Variants in NAV2 observed in about 807,000 individuals in gnomAD.
NAV2 encodes helicase, APC down-regulated 1.
Under a neutral mutation model 223.2 loss-of-function variants are expected in NAV2, and 54 were observed. The observed-to-expected ratio is 0.24, with a 90% confidence interval of 0.19 to 0.30. NAV2 has a LOEUF of 0.30. Among genes scored for constraint, NAV2 ranks in the 10% least tolerant of loss-of-function variants. The probability of loss-of-function intolerance (pLI) is 1.00; values close to 1 mark genes in which losing one functional copy is unlikely to be tolerated. For missense variants in NAV2, 2,806 were observed against 3,147.5 expected (o/e 0.89, Z 2.60); for synonymous variants, 1,279 against 1,239.3 (o/e 1.03, Z -0.67).
chr11:20,099,212 T>A (rs538799308), intron 31 of NAV2, among the ~76,000 whole-genome samples: 12 of 151,944 alleles, frequency 7.9e-5, no homozygotes, highest in Non-Finnish European at 1.8e-4. Flanking sequence ...AGGAATGAGC[T>A]CCCCATGGGA....
rs148581917 is a variant in NAV2, at chr11:19,744,030, G to C, written c.267+30068G>C. On this transcript the variant is annotated intron_variant, in intron 1 of 37. Coordinates refer to ENST00000349880, the MANE Select transcript of NAV2 (RefSeq NM_145117.5). ...TGAGCACCTAATATGTGTTAGATAA[G>C]GTACAAGATGTTTTCACAGAGATTA... 3.9e-5 allele frequency among the ~76,000 whole-genome samples: 6 copies of C among 152,334 alleles called. No individual in the cohort carries two copies. The East Asian group carries it at 1.2e-3, about 29-fold the overall frequency.
At position 19,624,556 on chromosome 11, in the gene NAV2, G is replaced by T. The variant is rs1013400724; in HGVS notation, c.76-207928G>T. Among the ~76,000 whole-genome samples the T allele has an allele frequency of 4.6e-5, 7 of 152,356 alleles. No homozygotes were observed. In the East Asian group the frequency reaches 5.8e-4, roughly 13 times the overall value. On this transcript the variant is annotated intron_variant, in intron 1 of 37. Coordinates refer to the NAV2 transcript ENST00000360655. ...TGTGGGCATGGGACCCTCTGAGCCA[G>T]GAGTGGGATATAATCTCCTGGTGTG...
chr11:19,876,422 C>T (rs912493359), intron 4 of NAV2, among the ~76,000 whole-genome samples: 7 of 152,056 alleles, frequency 4.6e-5, no homozygotes, highest in African/African-American at 7.2e-5. Context: ...AACTGAGGCT[C>T]AGAGAGATTG....
intron 37 of NAV2, among the ~76,000 whole-genome samples, chr11:20,117,793 C>T (rs2439878): frequency 2.0e-5 from 3 of 151,966 alleles, no homozygotes; most frequent in African/African-American, 2.4e-5. Context: ...AATAAATAAG[C>T]TATGTATAGA....
intron 1 of NAV2, among the ~76,000 whole-genome samples, chr11:19,540,533 A>G (rs16936941): frequency 0.016 from 2,394 of 152,298 alleles, 63 homozygotes; most frequent in African/African-American, 0.055. Context: ...CACACCTGGT[A>G]AGTTGCAGAA....
At chr11:19,506,098 A>G (rs922239273) in intron 1 of NAV2, 1 of 152,246 alleles carries the variant, frequency 6.6e-6, no homozygotes, top group African/African-American at 2.4e-5. Flanking sequence ...GCTCCCTCTC[A>G]ACTCCTATTT....
At chr11:19,657,990 A>G (rs1323862089) in intron 1 of NAV2, among the ~76,000 whole-genome samples, 1 of 152,216 alleles carries the variant, frequency 6.6e-6, no homozygotes, top group East Asian at 1.9e-4. Context: ...TATTATTAAC[A>G]ATAAAAGCTA....
At chr11:19,521,880 TG>T (rs1458227963) in intron 1 of NAV2, among the ~76,000 whole-genome samples, 1 of 152,184 alleles carries the variant, frequency 6.6e-6, no homozygotes, top group Non-Finnish European at 1.5e-5. Context: ...CAATCACTTT[TG>T]TGAAGAACTG....
chr11:19,906,809 C>T (rs899186920), intron 6 of NAV2, among the ~76,000 whole-genome samples: 5 of 152,156 alleles, frequency 3.3e-5, no homozygotes, highest in Non-Finnish European at 5.9e-5. Context: ...TAGAACTCCG[C>T]AAAACAGGTC....
chr11:19,545,856 G>A lies in NAV2; in HGVS notation c.75+194829G>A, dbSNP rs534031336. Among the ~76,000 whole-genome samples, 25 of 152,262 alleles carry A rather than the reference G, an allele frequency of 1.6e-4. No homozygotes were observed. In the East Asian group the frequency reaches 4.6e-3, roughly 28 times the overall value. ...TCTTCTTCCAATGTGGCCCAGGGAA[G>A]CCAAAAGATTGGACAACCCTGACCT... is the stretch of plus-strand genomic sequence containing the variant. On this transcript the variant is annotated intron_variant, in intron 1 of 37. Transcript: ENST00000360655.
chr11:19,905,014 T>C (rs1262476631), intron 6 of NAV2, among the ~76,000 whole-genome samples: 1 of 152,190 alleles, frequency 6.6e-6, no homozygotes, highest in Non-Finnish European at 1.5e-5. Flanking sequence ...CACAGTTTAT[T>C]AGAGTTCCCA....
chr11:19,997,301 C>T (rs1358433117), intron 11 of NAV2, among the ~76,000 whole-genome samples: 2 of 152,094 alleles, frequency 1.3e-5, no homozygotes, highest in East Asian at 3.9e-4. Flanking sequence ...TGGTGGGCCT[C>T]CAGGGCCCCT....
chr11:19,529,035 G>A (rs749414311), intron 1 of NAV2, among the ~76,000 whole-genome samples: 13 of 151,418 alleles, frequency 8.6e-5, no homozygotes, highest in Non-Finnish European at 1.5e-4. Context: ...TTATTTTATA[G>A]AAGAAAGGGC....
In NAV2 at chr11:19,696,695, A is replaced by G. The variant is rs142164684; in HGVS notation, c.76-135789A>G. Among the ~76,000 whole-genome samples, 361 of 152,302 alleles carry G rather than the reference A, an allele frequency of 2.4e-3. 1 individual carries two copies. Among genetic ancestry groups the G allele is most frequent in the African/African-American group, 8.4e-3 (348 of 41,554 alleles). ...ACATTTTAATCTTCCAAATAAATAG[A>G]ATTATTCATCCACTCAAAAACTATT... On this transcript the variant is annotated intron_variant, in intron 1 of 37. Transcript: ENST00000360655.
intron 29 of NAV2, 51 bp downstream of exon 29, chr11:20,093,250 T>A: frequency 8.2e-7 from 1 of 1,215,640 alleles, no homozygotes; most frequent in Non-Finnish European, 1.2e-6. Context: ...CAGGTAGAAC[T>A]ACCTAGCTTA....
chr11:19,988,016 A>G (rs1409364326), intron 11 of NAV2, among the ~76,000 whole-genome samples: 2 of 152,252 alleles, frequency 1.3e-5, no homozygotes, highest in Admixed American at 6.5e-5. Context: ...CAAATGGCTC[A>G]TTGAACTCCT....
intron 1 of NAV2, among the ~76,000 whole-genome samples, chr11:19,745,348 C>T (rs1220553893): frequency 6.6e-6 from 1 of 152,226 alleles, no homozygotes; most frequent in Non-Finnish European, 1.5e-5. Flanking sequence ...TCCATTTCAT[C>T]CTTCTGGTTT....
At chr11:19,794,886 C>G (rs1261054830) in intron 1 of NAV2, among the ~76,000 whole-genome samples, 3 of 152,190 alleles carry the variant, frequency 2.0e-5, no homozygotes, top group African/African-American at 4.8e-5. Flanking sequence ...TCCCCTCCCT[C>G]AACTCCAGGA....
At chr11:20,085,546 G>A (rs1047038058) in intron 26 of NAV2, among the ~76,000 whole-genome samples, 2 of 152,238 alleles carry the variant, frequency 1.3e-5, no homozygotes, top group East Asian at 3.8e-4. Flanking sequence ...AGCTGAATCT[G>A]CATGCCAGGG....
Sources: allele counts gnomAD v4.1 joint callset (sites outside exome capture counted in the v4.1 genomes callset), GRCh38; gene constraint gnomAD v4.1.1; transcripts MANE v1.5; gene names NCBI Gene and HGNC (gene_info 2026-07-23, HGNC 2026-07-21).